NBAS: variants seen among roughly 807,000 people sequenced by gnomAD.
NBAS encodes the protein NAG/BC035112 fusion.
A neutral mutation model predicts 302.5 loss-of-function variants in NBAS; 219 were observed. That is an observed-to-expected ratio of 0.72 (90% CI 0.65 to 0.81). The LOEUF is 0.81. Among genes scored for constraint, NBAS ranks in the 30% least tolerant of loss-of-function variants. The pLI, the probability that NBAS is intolerant of heterozygous loss-of-function variation, is 0.00. For missense variants in NBAS, 2,932 were observed against 2,841.6 expected (o/e 1.03, Z -0.72); for synonymous variants, 1,118 against 1,021.6 (o/e 1.09, Z -1.80).
At chr2:15,337,222 G>T (rs1255498417) in intron 35 of NBAS, among the ~76,000 whole-genome samples, 2 of 152,098 alleles carry the variant, frequency 1.3e-5, no homozygotes, top group Non-Finnish European at 2.9e-5. Flanking sequence ...TCCAGAGGCT[G>T]ATGAGGGAGG....
chr2:15,119,411 C>T, the NBAS span, among the ~76,000 whole-genome samples: 4 of 150,490 alleles, frequency 2.7e-5, no homozygotes, highest in Non-Finnish European at 4.4e-5. Context: ...CGAGTTCCAG[C>T]GATTCTCCTG....
At chr2:14,989,578 T>TA in the NBAS span, among the ~76,000 whole-genome samples, 138 of 151,470 alleles carry the variant, frequency 9.1e-4, 1 homozygote, top group South Asian at 2.3e-3. Flanking sequence ...AAATTAAAAT[T>TA]AAAAAAAAGA....
chr2:14,785,157 G>C, the NBAS span, among the ~76,000 whole-genome samples: 1 of 152,148 alleles, frequency 6.6e-6, no homozygotes, highest in Non-Finnish European at 1.5e-5. Context: ...TGTGATTTTT[G>C]TACATTGATT....
chr2:14,960,060 C>T, the NBAS span, among the ~76,000 whole-genome samples: 1 of 152,154 alleles, frequency 6.6e-6, no homozygotes, highest in Non-Finnish European at 1.5e-5. Context: ...TAGAACTAAA[C>T]TGCACTTGGA....
At chr2:14,944,803 C>G in the NBAS span, among the ~76,000 whole-genome samples, 3 of 152,046 alleles carry the variant, frequency 2.0e-5, no homozygotes, top group South Asian at 6.2e-4. Context: ...TCCCTCCCCC[C>G]ATTCTGCCCA....
At chr2:15,441,201 T>C (rs1033284426) in intron 21 of NBAS, among the ~76,000 whole-genome samples, 11 of 151,970 alleles carry the variant, frequency 7.2e-5, no homozygotes, top group African/African-American at 2.7e-4. Context: ...AGACACATAA[T>C]TGTCAGATTC....
intron 21 of NBAS, among the ~76,000 whole-genome samples, chr2:15,436,267 G>A (rs536778692): frequency 6.6e-6 from 1 of 152,340 alleles, no homozygotes; most frequent in Non-Finnish European, 1.5e-5. Context: ...CTATTTGCCT[G>A]TAGATAACCC....
chr2:15,415,514 C>G, intron 25 of NBAS, 32 bp downstream of exon 25: 1 of 1,603,506 alleles, frequency 6.2e-7, no homozygotes, highest in South Asian at 1.1e-5. Flanking sequence ...GGAAAAAGTG[C>G]CCAGAATTTT....
the NBAS span, among the ~76,000 whole-genome samples, chr2:14,830,971 A>G: frequency 6.6e-6 from 1 of 152,296 alleles, no homozygotes; most frequent in South Asian, 2.1e-4. Flanking sequence ...AGTGAGGCTC[A>G]TAATCAGCTC....
At chr2:15,120,985 C>A in the NBAS span, among the ~76,000 whole-genome samples, 1 of 152,178 alleles carries the variant, frequency 6.6e-6, no homozygotes, top group African/African-American at 2.4e-5. Flanking sequence ...CTTTTCTCCA[C>A]CTTTTATATT....
At chr2:15,354,350 C>A (rs1180767382) in intron 33 of NBAS, among the ~76,000 whole-genome samples, 2 of 152,186 alleles carry the variant, frequency 1.3e-5, no homozygotes, top group African/African-American at 4.8e-5. Flanking sequence ...TCTTAAAATA[C>A]ATTTTTATTC....
chr2:15,162,570 G>C (rs557949321), downstream of NBAS, among the ~76,000 whole-genome samples: 1 of 152,312 alleles, frequency 6.6e-6, no homozygotes, highest in South Asian at 2.1e-4. Context: ...GCTGTGAGCA[G>C]GTTGCAACAC....
chr2:14,863,784 C>T, the NBAS span, among the ~76,000 whole-genome samples: 263 of 152,236 alleles, frequency 1.7e-3, no homozygotes, highest in African/African-American at 6.1e-3. Context: ...CATTATATTC[C>T]AACACTTCTA....
Position 15,292,697 on chromosome 2 carries a change from C to T in NBAS, c.4867G>A (p.Glu1623Lys). The part of the protein sequence containing the change: ...VTRHEHEAWP[E>K]DLISLTKQLH... The stretch of plus-strand genomic sequence containing the variant: ...TGCTTGGTCAGTGAAATAAGGTCTT[C>T]AGGCCAGGCTTCGTGCTCATGTCGA... The change falls in exon 41 of 52, where the codon GAA (glutamate) becomes AAA (lysine). Residue 1623 changes from glutamate to lysine, a missense_variant. By Grantham distance (56) the Glu-to-Lys change is moderately conservative. Transcript: ENST00000281513. 1 of 1,614,220 alleles carries T rather than the reference C, an allele frequency of 6.2e-7. No individual in the cohort carries two copies. Among genetic ancestry groups the T allele is most frequent in the Non-Finnish European group, 8.5e-7 (1 of 1,180,048 alleles).
At chr2:15,494,563 T>C (rs1312028553) in intron 11 of NBAS, among the ~76,000 whole-genome samples, 1 of 152,222 alleles carries the variant, frequency 6.6e-6, no homozygotes, top group Non-Finnish European at 1.5e-5. Context: ...ATCTTTTATA[T>C]TGGAGGAATA....
At chr2:15,345,273 C>A (rs185147089) in intron 35 of NBAS, among the ~76,000 whole-genome samples, 3 of 152,092 alleles carry the variant, frequency 2.0e-5, no homozygotes, top group African/African-American at 7.2e-5. Flanking sequence ...TATCTCAGCC[C>A]CAAAACTCCT....
intron 9 of NBAS, among the ~76,000 whole-genome samples, chr2:15,532,330 A>C (rs1663259782): frequency 1.3e-5 from 2 of 151,958 alleles, no homozygotes; most frequent in Non-Finnish European, 2.9e-5. Flanking sequence ...TCTACTAAAA[A>C]TACAAAAAAT....
At chr2:14,873,856 T>C in the NBAS span, among the ~76,000 whole-genome samples, 1 of 151,786 alleles carries the variant, frequency 6.6e-6, no homozygotes, top group Non-Finnish European at 1.5e-5. Flanking sequence ...TTTTTTTTAC[T>C]AAAAAAGTAT....
intron 35 of NBAS, among the ~76,000 whole-genome samples, chr2:15,331,362 C>A (rs79028933): frequency 6.6e-6 from 1 of 152,118 alleles, no homozygotes; most frequent in Non-Finnish European, 1.5e-5. Context: ...AGAGATTCCA[C>A]GAGGAGAAAA....
Sources: gnomAD v4.1 joint callset for allele counts (sites outside exome capture counted in the v4.1 genomes callset) on GRCh38, gnomAD v4.1.1 for gene constraint, MANE v1.5 for transcripts, NCBI Gene and HGNC (gene_info 2026-07-23, HGNC 2026-07-21) for gene names.